The following SMU1 variants were observed in gnomAD, a reference collection of about 807,000 sequenced individuals.
SMU1 encodes WD40 repeat-containing protein SMU1.
Under a neutral mutation model 62.0 loss-of-function variants are expected in SMU1, and 2 were observed. The ratio of observed to expected loss-of-function variants is 0.03; its 90% CI spans 0.01 to 0.10. SMU1 has a LOEUF of 0.10. SMU1 is among the 10% of genes least tolerant of loss of function. The pLI is 1.00. For synonymous variants in SMU1, 188 were observed against 212.4 expected, an observed-to-expected ratio of 0.89 and a Z score of 1.00; for missense variants, 227 against 622.1, an observed-to-expected ratio of 0.36 and a Z score of 6.76.
intron 4 of SMU1, among the ~76,000 whole-genome samples, chr9:33,065,737 TA>T (rs1339849328): frequency 6.6e-6 from 1 of 152,180 alleles, no homozygotes; most frequent in Non-Finnish European, 1.5e-5. Flanking sequence ...AAGGAGCATT[TA>T]GCTACCACGA....
At position 33,043,720 on chromosome 9, in the gene SMU1, G is replaced by C. The variant is rs10971362; in HGVS notation, c.*3573C>G. ...GACAGCAATATTGAGAGTGAGGCAA[G>C]AGAGAAAAAAAACCTAGCTTCGGAG... On this transcript the variant is annotated 3_prime_UTR_variant, in exon 12 of 12. Transcript: ENST00000397149. 1 of 152,092 alleles carries C rather than the reference G, an allele frequency of 6.6e-6. No homozygotes were observed. Among genetic ancestry groups the C allele is most frequent in the Non-Finnish European group, 1.5e-5 (1 of 68,004 alleles). The allele number at this position is 152,092 out of a possible 1,614,324, so 9.4% of individuals were successfully genotyped here.
chr9:33,064,946 T>A (rs1839404008), intron 4 of SMU1, among the ~76,000 whole-genome samples: 2 of 152,174 alleles, frequency 1.3e-5, no homozygotes, highest in Admixed American at 1.3e-4. Flanking sequence ...TTTCGCCACG[T>A]TGGCCAGGCT....
chr9:33,050,298 G>GGATA (rs1839228473), intron 10 of SMU1, among the ~76,000 whole-genome samples: 1 of 152,096 alleles, frequency 6.6e-6, no homozygotes, highest in African/African-American at 2.4e-5. Context: ...GAATACAAAA[G>GGATA]GATACATCCA....
At chr9:33,071,939 A>C (rs372336034) in intron 2 of SMU1, 47 bp from the exon 3 acceptor site, 1 of 1,477,952 alleles carries the variant, frequency 6.8e-7, no homozygotes. Context: ...GTTTCAACAC[A>C]CCGTCTTATT....
In SMU1 at chr9:33,047,103, A is replaced by G. The variant is rs1839194095; in HGVS notation, c.*190T>C. On this transcript the variant is annotated 3_prime_UTR_variant, in exon 12 of 12. Coordinates refer to ENST00000397149, the MANE Select transcript of SMU1 (RefSeq NM_018225.3). ...GCACCAGTTAGAAGAAGATAAACTAATACCTTAAAAATATATAAAAAAAGA... is the reference window on the plus strand; with the variant it reads ...GCACCAGTTAGAAGAAGATAAACTAGTACCTTAAAAATATATAAAAAAAGA... The G allele has an allele frequency of 2.0e-6, 1 of 493,928 alleles. No individual in the cohort carries two copies. The highest frequency in any genetic ancestry group is 2.0e-5 in the African/African-American group (1 of 50,112). The allele number at this position is 493,928 out of a possible 1,614,324, so 30.6% of individuals were successfully genotyped here.
Position 33,056,280 on chromosome 9 carries a change from A to C in SMU1, c.996-41T>G, listed in dbSNP as rs767070005. On this transcript the variant is annotated intron_variant, in intron 8 of 11. Coordinates refer to ENST00000397149, the MANE Select transcript of SMU1 (RefSeq NM_018225.3). ...AAATGAAAAGAACAATAAATATTTA[A>C]TATCTTATGGTTGTGACCAACGATT... 8.2e-6 allele frequency: 13 copies of C among 1,578,604 alleles called. 1 individual carries two copies. The South Asian group carries it at 1.3e-4, about 15-fold the overall frequency.
rs200091212 is a variant in SMU1, at chr9:33,075,063, G to GC, written c.27-1258dup. Among the ~76,000 whole-genome samples the GC allele has an allele frequency of 9.6e-3, 1,462 of 152,198 alleles. 25 individuals carry two copies. The highest frequency in any genetic ancestry group is 0.033 in the African/African-American group (1,384 of 41,548). ...GTTGAGATGACAGGTGTGAGCCACCGCACCTGGCCCCTCTTCTTAAAAACA... is the reference window on the plus strand; with the variant it reads ...GTTGAGATGACAGGTGTGAGCCACCGCCACCTGGCCCCTCTTCTTAAAAACA... On this transcript the variant is annotated intron_variant, in intron 1 of 11. Transcript: ENST00000397149.
intron 4 of SMU1, 51 bp downstream of exon 4, chr9:33,068,773 A>G (rs1241132906): frequency 6.3e-7 from 1 of 1,597,036 alleles, no homozygotes; most frequent in Non-Finnish European, 8.5e-7. Context: ...CCAAAGTGCA[A>G]GGATGACAGG....
intron 3 of SMU1, among the ~76,000 whole-genome samples, chr9:33,069,897 G>A (rs1045877732): frequency 6.6e-6 from 1 of 152,054 alleles, no homozygotes; most frequent in Non-Finnish European, 1.5e-5. Context: ...AGGCCGAGGC[G>A]GGTGGACTGC....
rs1839206478 is a variant in SMU1 at position 33,048,166 on chromosome 9, C to T, written c.1383G>A (p.Gly461=). Residue 461 remains glycine, a synonymous_variant, in exon 11 of 12, where the codon GGG becomes GGA. Coordinates refer to ENST00000397149, the MANE Select transcript of SMU1 (RefSeq NM_018225.3). The part of the protein sequence containing the change: ...SPRGEWIYCV[G]EDFVLYCFST... ...TGAAACAGTAGAGCACAAAGTCCTC[C>T]CCTACACAGTAGATCCATTCACCAC... 3 of 1,614,070 alleles carry T rather than the reference C, an allele frequency of 1.9e-6. No individual in the cohort carries two copies. The highest frequency in any genetic ancestry group is 2.5e-6 in the Non-Finnish European group (3 of 1,180,022).
Position 33,062,180 on chromosome 9 carries a change from A to T in SMU1, c.502-3T>A, listed in dbSNP as rs1165339090. ...TGATGCTGCTGCCACTTCAGTGCCT[A>T]TGAGGAAAAAAAAAAATATAGCAAT... On this transcript the variant is annotated splice_region_variant and splice_polypyrimidine_tract_variant and intron_variant, in intron 4 of 11. Coordinates refer to ENST00000397149, the MANE Select transcript of SMU1 (RefSeq NM_018225.3). 1 of 1,607,046 alleles carries T rather than the reference A, an allele frequency of 6.2e-7. No homozygotes were observed. Among genetic ancestry groups the T allele is most frequent in the Non-Finnish European group, 8.5e-7 (1 of 1,177,004 alleles).
chr9:33,072,002 A>G, intron 2 of SMU1, 110 bp from the exon 3 acceptor site: 1 of 1,136,378 alleles, frequency 8.8e-7, no homozygotes, highest in Non-Finnish European at 1.2e-6. Flanking sequence ...AAGGATTTCC[A>G]ATACCAGGAA....
chr9:33,055,008 G>A (rs993970465), intron 9 of SMU1, among the ~76,000 whole-genome samples: 1 of 152,200 alleles, frequency 6.6e-6, no homozygotes, highest in African/African-American at 2.4e-5. Flanking sequence ...AGGCCCATAT[G>A]CATAGCATGA....
rs1205256094 is a variant in SMU1 at position 33,073,870 on chromosome 9, A to G, written c.27-64T>C. 4.2e-6 allele frequency: 6 copies of G among 1,428,248 alleles called. No homozygotes were observed. In the East Asian group the frequency reaches 1.1e-4, roughly 27 times the overall value. The allele number at this position is 1,428,248 out of a possible 1,614,324, so 88.5% of individuals were successfully genotyped here. On this transcript the variant is annotated intron_variant, in intron 1 of 11. Coordinates refer to ENST00000397149, the MANE Select transcript of SMU1 (RefSeq NM_018225.3). ...TCACCAGAGGTCAAAAATAAAGCCT[A>G]TCAAGCTCCTACTCAATCATCTTCC...
rs1839170475 is a variant in SMU1, at chr9:33,045,143, A to T, written c.*2150T>A. Reference sequence around the variant, plus strand: ...CTGACTAGATTCTCCATCTTCATAAACGGTGATACAAACTATGCACATCAT... The same window carrying T: ...CTGACTAGATTCTCCATCTTCATAATCGGTGATACAAACTATGCACATCAT... On this transcript the variant is annotated 3_prime_UTR_variant, in exon 12 of 12. Coordinates refer to ENST00000397149, the MANE Select transcript of SMU1 (RefSeq NM_018225.3). The T allele has an allele frequency of 6.6e-6, 1 of 152,184 alleles. No individual in the cohort carries two copies. Among genetic ancestry groups the T allele is most frequent in the South Asian group, 2.1e-4 (1 of 4,830 alleles). 9.4% of individuals were successfully genotyped at this position (152,184 alleles called of 1,614,324 possible). A position where few individuals can be genotyped will look rare whatever the true frequency, so the allele number is the denominator to read the frequency against.
rs767155687 is a variant in SMU1 at position 33,048,127 on chromosome 9, G to A, written c.1422C>T (p.Gly474=). ...TCACTGTCAAAGTTCTCTCCAGTTT[G>A]CCAGTGACTGTACTGAAACAGTAGA... ...FVLYCFSTVT[G]KLERTLTVHE... is the part of the protein sequence containing the mutation. Residue 474 remains glycine, a synonymous_variant, in exon 11 of 12, where the codon GGC becomes GGT. Transcript: ENST00000397149. 6.2e-6 allele frequency: 10 copies of A among 1,613,754 alleles called. No homozygotes were observed. Among genetic ancestry groups the A allele is most frequent in the Non-Finnish European group, 8.5e-6 (10 of 1,179,928 alleles).
chr9:33,053,270 T>G lies in SMU1; in HGVS notation c.1143A>C (p.Thr381=), dbSNP rs764942460. ...GGGATTTAAAGGTATTTGAACATTC[T>G]GTGGTCTTCATATTCCAGATCTACC... is the stretch of plus-strand genomic sequence containing the variant. ...GTVKIWNMKT[T]ECSNTFKSLG... The change falls in exon 10 of 12, where the codon ACA becomes ACC. Residue 381 remains threonine (T), a synonymous_variant. Coordinates refer to ENST00000397149, the MANE Select transcript of SMU1 (RefSeq NM_018225.3). 6.2e-7 allele frequency: 1 copy of G among 1,612,912 alleles called. No individual in the cohort carries two copies. Among genetic ancestry groups the G allele is most frequent in the Admixed American group, 1.7e-5 (1 of 60,018 alleles).
intron 7 of SMU1, among the ~76,000 whole-genome samples, 176 bp downstream of exon 7, chr9:33,057,422 T>C (rs575146896): frequency 2.6e-5 from 4 of 152,326 alleles, no homozygotes; most frequent in Admixed American, 2.0e-4. Context: ...AAATATGTTA[T>C]TGGATCACCC....
At position 33,047,296 on chromosome 9, in the gene SMU1, T is replaced by C. The variant is rs773865634; in HGVS notation, c.1539A>G (p.Pro513=). 3 of 1,602,010 alleles carry C rather than the reference T, an allele frequency of 1.9e-6. No individual in the cohort carries two copies. In the Admixed American group the frequency reaches 5.0e-5, roughly 27 times the overall value. ...SEDGLLKLWK[P] is the part of the protein sequence containing the mutation. ...TGATTTAAAAAGAAAAGTTGAATTA[T>C]GGTTTCCAGAGCTTTAGGAGTCCAT... The change falls in exon 12 of 12, where the codon CCA becomes CCG. Residue 513 remains proline (P), a synonymous_variant. Transcript: ENST00000397149.
Sources: gnomAD v4.1 joint callset for allele counts (sites outside exome capture counted in the v4.1 genomes callset) on GRCh38, gnomAD v4.1.1 for gene constraint, MANE v1.5 for transcripts, NCBI Gene and HGNC (gene_info 2026-07-23, HGNC 2026-07-21) for gene names.